SLC12A7: variants seen among roughly 807,000 people sequenced by gnomAD.
SLC12A7 encodes the protein solute carrier family 12 member 7.
SLC12A7 carries 100 observed loss-of-function variants against 120.6 expected under a neutral mutation model. That is an observed-to-expected ratio of 0.83 (90% CI 0.71 to 0.98). The LOEUF is 0.98. SLC12A7 is among the 50% of genes least tolerant of loss of function. The pLI is 0.00. For missense variants in SLC12A7, 1,373 were observed against 1,548.1 expected (o/e 0.89, Z 1.90); for synonymous variants, 760 against 678.0 (o/e 1.12, Z -1.88).
the SLC12A7 span, among the ~76,000 whole-genome samples, chr5:1,130,541 G>A: frequency 1.3e-5 from 2 of 151,764 alleles, no homozygotes; most frequent in Admixed American, 6.6e-5. Flanking sequence ...CTTAGCCAGG[G>A]CGGCTGCCCG....
chr5:1,075,256 G>A, intron 15 of SLC12A7, 115 bp downstream of exon 15: 1 of 1,416,442 alleles, frequency 7.1e-7, no homozygotes. Context: ...CCCCTGTGAG[G>A]GCACACGACG....
intron 9 of SLC12A7, 135 bp downstream of exon 9, chr5:1,081,442 G>A (rs1428313397): frequency 5.7e-6 from 5 of 875,860 alleles, no homozygotes; most frequent in Non-Finnish European, 8.5e-6. Context: ...AGGAATATTT[G>A]TGTCTAGGAG....
Position 1,085,978 on chromosome 5 carries a change from C to T in SLC12A7, c.676-505G>A, listed in dbSNP as rs543503531. ...TTCTGCCCAGATTCAAGGGAAGGGA[C>T]GGAGACGTGAGACAGTGCTGCTCAG... On this transcript the variant is annotated intron_variant, in intron 6 of 23. Transcript: ENST00000264930. Among the ~76,000 whole-genome samples the T allele has an allele frequency of 9.3e-4, 141 of 152,308 alleles. 1 individual carries two copies. Among genetic ancestry groups the T allele is most frequent in the Admixed American group, 6.7e-3 (103 of 15,296 alleles).
At chr5:1,088,836 G>A (rs999386556) in intron 4 of SLC12A7, 146 bp downstream of exon 4, 24 of 1,000,288 alleles carry the variant, frequency 2.4e-5, no homozygotes, top group Admixed American at 8.7e-5. Context: ...ACGTCTACAC[G>A]GGCGTCTGGG....
At chr5:1,092,773 A>G (rs1172568485) in intron 3 of SLC12A7, among the ~76,000 whole-genome samples, 3 of 152,016 alleles carry the variant, frequency 2.0e-5, no homozygotes, top group African/African-American at 7.2e-5. Flanking sequence ...ACACAGACAT[A>G]TTTGAAAGAA....
chr5:1,074,490 A>T, intron 16 of SLC12A7, 77 bp downstream of exon 16: 7 of 1,334,998 alleles, frequency 5.2e-6, no homozygotes, highest in Non-Finnish European at 7.4e-6. Context: ...TGAGACTCAA[A>T]GGTCCCCACT....
chr5:1,112,006 G>A lies in SLC12A7; in HGVS notation c.-15C>T, dbSNP rs775451322. ...TTGGTGGGCATGGCCGCCTGCAGCC[G>A]ACAGTCCCCGTCCCGGCCCGGCCCG... On this transcript the variant is annotated 5_prime_UTR_variant, in exon 1 of 24. Coordinates refer to ENST00000264930, the MANE Select transcript of SLC12A7 (RefSeq NM_006598.3). The A allele has an allele frequency of 1.1e-4, 145 of 1,265,216 alleles. 1 individual carries two copies. The African/African-American group carries it at 2.0e-3, about 17-fold the overall frequency. 78.4% of individuals were successfully genotyped at this position (1,265,216 alleles called of 1,614,324 possible).
At chr5:1,090,375 T>C (rs998784728) in intron 3 of SLC12A7, among the ~76,000 whole-genome samples, 2 of 152,188 alleles carry the variant, frequency 1.3e-5, no homozygotes, top group African/African-American at 4.8e-5. Context: ...CTTGGTTCCC[T>C]GAGCCCTAGG....
At chr5:1,137,930 T>A in the SLC12A7 span, among the ~76,000 whole-genome samples, 1 of 152,222 alleles carries the variant, frequency 6.6e-6, no homozygotes, top group Non-Finnish European at 1.5e-5. Flanking sequence ...CAGTGAGCTG[T>A]GGCAGAAGGA....
At chr5:1,067,369 C>T (rs1300424017) in intron 17 of SLC12A7, among the ~76,000 whole-genome samples, 3 of 152,228 alleles carry the variant, frequency 2.0e-5, no homozygotes, top group Non-Finnish European at 4.4e-5. Flanking sequence ...CAGGGAAGCA[C>T]CCGCATCGGG....
chr5:1,122,993 C>T, the SLC12A7 span, among the ~76,000 whole-genome samples: 1 of 152,240 alleles, frequency 6.6e-6, no homozygotes, highest in Admixed American at 6.5e-5. Flanking sequence ...GGCGCGGGGC[C>T]TGACCTTCTG....
At chr5:1,101,599 G>C (rs1018114525) in intron 1 of SLC12A7, among the ~76,000 whole-genome samples, 1 of 152,138 alleles carries the variant, frequency 6.6e-6, no homozygotes, top group African/African-American at 2.4e-5. Flanking sequence ...CTGGCCACAA[G>C]TCAGTTTTTT....
intron 1 of SLC12A7, among the ~76,000 whole-genome samples, chr5:1,095,764 G>A (rs771996841): frequency 2.0e-5 from 3 of 152,340 alleles, no homozygotes; most frequent in African/African-American, 7.2e-5. Context: ...GGCACCAGCC[G>A]CAGGAGTGGT....
chr5:1,094,333 G>T, intron 1 of SLC12A7, 85 bp from the exon 2 acceptor site: 1 of 953,278 alleles, frequency 1.0e-6, no homozygotes, highest in Non-Finnish European at 1.7e-6. Context: ...TGCACGGAGG[G>T]CTCTGGTCCC....
intron 17 of SLC12A7, among the ~76,000 whole-genome samples, chr5:1,073,272 C>T (rs544007174): frequency 1.4e-5 from 2 of 139,096 alleles, no homozygotes; most frequent in African/African-American, 6.3e-5. Flanking sequence ...CCCAGTGAGC[C>T]CCCAGCACAC....
the SLC12A7 span, among the ~76,000 whole-genome samples, chr5:1,121,595 G>C: frequency 6.6e-6 from 1 of 152,228 alleles, no homozygotes; most frequent in African/African-American, 2.4e-5. Context: ...ACCCAGAGAG[G>C]CAGTGTGACC....
At chr5:1,073,842 AC>A in intron 16 of SLC12A7, 41 bp from the exon 17 acceptor site, 2 of 1,365,752 alleles carry the variant, frequency 1.5e-6, no homozygotes. Flanking sequence ...GGCAACGCTT[AC>A]CAGGGCACGG....
the SLC12A7 span, among the ~76,000 whole-genome samples, chr5:1,146,049 C>G: frequency 3.9e-5 from 6 of 152,294 alleles, no homozygotes; most frequent in Middle Eastern, 3.4e-3. The surrounding 1 kb of genome is among the most constrained non-coding windows in gnomAD (Gnocchi z 6.5). Flanking sequence ...AGTCCCCGTT[C>G]TGCCTCCGTC....
chr5:1,149,103 C>T, the SLC12A7 span, among the ~76,000 whole-genome samples: 3 of 120,486 alleles, frequency 2.5e-5, no homozygotes, highest in Non-Finnish European at 5.6e-5. Flanking sequence ...GCCCCTACAC[C>T]CAGAAGGGGG....
Sources: gnomAD v4.1 joint callset for allele counts (sites outside exome capture counted in the v4.1 genomes callset) on GRCh38, gnomAD v4.1.1 for gene constraint, Gnocchi (gnomAD v3.1) non-coding constraint, MANE v1.5 for transcripts, NCBI Gene and HGNC (gene_info 2026-07-23, HGNC 2026-07-21) for gene names.